IL1RAPL1: variants seen among roughly 807,000 people sequenced by gnomAD.
The protein encoded by IL1RAPL1 is interleukin 1 receptor accessory protein like 1, also known as interleukin-1 receptor accessory protein-like 1.
Under a neutral mutation model 48.4 loss-of-function variants are expected in IL1RAPL1, and 3 were observed. The ratio of observed to expected loss-of-function variants is 0.06; its 90% confidence interval spans 0.03 to 0.16. The LOEUF is 0.16. IL1RAPL1 is among the 10% of genes least tolerant of loss of function. The pLI, the probability that IL1RAPL1 is intolerant of heterozygous loss-of-function variation, is 1.00. For missense variants in IL1RAPL1, 349 were observed against 530.6 expected, an observed-to-expected ratio of 0.66 and a Z score of 3.36; for synonymous variants, 185 against 187.7, an observed-to-expected ratio of 0.99 and a Z score of 0.12.
intron 2 of IL1RAPL1, among the ~76,000 whole-genome samples, chrX:29,228,372 T>TGA (rs199933302): frequency 9.7e-6 from 1 of 103,358 alleles, no homozygotes; most frequent in African/African-American, 3.6e-5. Context: ...TGTGTGTGTG[T>TGA]GAGACAGAGT....
chrX:29,079,190 A>C (rs1927748323), intron 2 of IL1RAPL1, among the ~76,000 whole-genome samples: 1 of 111,525 alleles, frequency 9.0e-6, no homozygotes, highest in African/African-American at 3.3e-5. Flanking sequence ...TGGGGGGCAT[A>C]TTTAATATAT....
chrX:28,677,086 A>G (rs1935006039), intron 1 of IL1RAPL1, among the ~76,000 whole-genome samples: 2 of 112,015 alleles, frequency 1.8e-5, no homozygotes, highest in African/African-American at 6.5e-5. Context: ...AAATTATATT[A>G]CTTATACAAG....
chrX:29,397,707 T>G (rs1023393513), intron 4 of IL1RAPL1, among the ~76,000 whole-genome samples: 4 of 111,697 alleles, frequency 3.6e-5, no homozygotes, highest in Non-Finnish European at 7.5e-5. Flanking sequence ...TGATGATTGC[T>G]TCAAGGGGGA....
intron 2 of IL1RAPL1, among the ~76,000 whole-genome samples, chrX:29,094,771 C>CAAAAAAA (rs1163805144): frequency 0.012 from 73 of 5,917 alleles, 7 homozygotes; most frequent in South Asian, 0.056. Flanking sequence ...AACTCCATCT[C>CAAAAAAA]AAAAAAAAAA....
chrX:28,899,237 T>C (rs1021085843), intron 2 of IL1RAPL1, among the ~76,000 whole-genome samples: 4 of 111,487 alleles, frequency 3.6e-5, no homozygotes, highest in Admixed American at 1.9e-4. Flanking sequence ...CAATTACCTC[T>C]ACCCGGTCTC....
intron 2 of IL1RAPL1, among the ~76,000 whole-genome samples, chrX:28,855,072 T>C (rs1025709967): frequency 3.6e-5 from 4 of 111,824 alleles, no homozygotes; most frequent in Non-Finnish European, 1.9e-5. Flanking sequence ...CAGGTTGGAG[T>C]GCAGTGGCGC....
intron 2 of IL1RAPL1, among the ~76,000 whole-genome samples, chrX:28,826,358 C>T (rs1936995028): frequency 9.0e-6 from 1 of 111,361 alleles, no homozygotes; most frequent in Non-Finnish European, 1.9e-5. Context: ...GTTTGTGAAA[C>T]TCCTAGAGGC....
intron 3 of IL1RAPL1, among the ~76,000 whole-genome samples, chrX:29,287,414 A>C (rs1050283646): frequency 1.8e-5 from 2 of 112,392 alleles, no homozygotes; most frequent in African/African-American, 6.5e-5. Context: ...TTTGGTGAAC[A>C]TAAGTTTATT....
intron 6 of IL1RAPL1, among the ~76,000 whole-genome samples, chrX:29,844,578 C>A (rs73221612): frequency 0.019 from 2,074 of 111,498 alleles, 43 homozygotes; most frequent in Admixed American, 0.071. Flanking sequence ...TAAGAAAAAA[C>A]AAAACAATAA....
At chrX:29,736,497 G>A (rs749088559) in intron 6 of IL1RAPL1, among the ~76,000 whole-genome samples, 6 of 112,104 alleles carry the variant, frequency 5.4e-5, no homozygotes, top group Admixed American at 9.4e-5. Flanking sequence ...AGGCCGAAGC[G>A]GGCAGATCAC....
chrX:28,990,896 A>G (rs1925588234), intron 2 of IL1RAPL1, among the ~76,000 whole-genome samples: 2 of 112,050 alleles, frequency 1.8e-5, no homozygotes, highest in South Asian at 3.7e-4. Context: ...TGCCAATGAG[A>G]TATGAAACTC....
At chrX:29,505,266 A>T (rs1935315861) in intron 5 of IL1RAPL1, among the ~76,000 whole-genome samples, 1 of 111,623 alleles carries the variant, frequency 9.0e-6, no homozygotes, top group South Asian at 3.7e-4. Flanking sequence ...TTCATACTAC[A>T]GTTATGTATG....
intron 2 of IL1RAPL1, among the ~76,000 whole-genome samples, chrX:29,039,028 G>A (rs771515162): frequency 2.7e-5 from 3 of 111,998 alleles, no homozygotes; most frequent in Non-Finnish European, 5.6e-5. Context: ...TTTAACAGCA[G>A]TTGTTTTAGT....
chrX:29,723,333 G>C (rs1445368864), intron 6 of IL1RAPL1, among the ~76,000 whole-genome samples: 1 of 111,846 alleles, frequency 8.9e-6, no homozygotes, highest in Non-Finnish European at 1.9e-5. Flanking sequence ...ACTGCAACCT[G>C]TGCCTCCCGG....
chrX:29,466,153 A>T (rs929224027), intron 5 of IL1RAPL1, among the ~76,000 whole-genome samples: 5 of 112,374 alleles, frequency 4.4e-5, no homozygotes, highest in Non-Finnish European at 7.5e-5. Flanking sequence ...CTTGTATTTT[A>T]TCTGGCAACT....
chrX:29,117,677 C>T lies in IL1RAPL1; in HGVS notation c.83-165261C>T, dbSNP rs1394919316. ...TAAAAGATAGGTTCTTACTTGGAAA[C>T]GTGTATGCAAGTACACTGAAGAGGT... On this transcript the variant is annotated intron_variant, in intron 2 of 10. Coordinates refer to ENST00000378993, the MANE Select transcript of IL1RAPL1 (RefSeq NM_014271.4). 4.5e-5 allele frequency among the ~76,000 whole-genome samples: 5 copies of T among 111,744 alleles called. No individual in the cohort carries two copies. The South Asian group carries it at 1.5e-3, about 33-fold the overall frequency.
At chrX:28,922,348 T>C (rs1923634789) in intron 2 of IL1RAPL1, among the ~76,000 whole-genome samples, 2 of 111,976 alleles carry the variant, frequency 1.8e-5, no homozygotes, top group African/African-American at 6.5e-5. Context: ...CATTCCTTCT[T>C]AAAAGGAAGC....
intron 5 of IL1RAPL1, among the ~76,000 whole-genome samples, chrX:29,406,793 A>G (rs1202034257): frequency 9.1e-6 from 1 of 110,096 alleles, no homozygotes; most frequent in Non-Finnish European, 1.9e-5. Context: ...TATAGAGATG[A>G]TTATGTTCAT....
At chrX:29,369,816 T>C (rs1409932933) in intron 3 of IL1RAPL1, 1 of 112,092 alleles carries the variant, frequency 8.9e-6, no homozygotes. Flanking sequence ...ATTATTTCAC[T>C]GAGCCTGTAT....
Sources: gnomAD v4.1 joint callset for allele counts (sites outside exome capture counted in the v4.1 genomes callset) on GRCh38, gnomAD v4.1.1 for gene constraint, MANE v1.5 for transcripts, NCBI Gene and HGNC (gene_info 2026-07-23, HGNC 2026-07-21) for gene names.